EYS: variants seen among roughly 807,000 people sequenced by gnomAD.
EYS encodes the protein protein eyes shut homolog.
A neutral mutation model predicts 282.1 loss-of-function variants in EYS; 250 were observed. The observed-to-expected ratio is 0.89, with a 90% CI of 0.80 to 0.98. The LOEUF (loss-of-function observed/expected upper bound fraction) is 0.98. Among genes scored for constraint, EYS ranks in the 50% least tolerant of loss-of-function variants. EYS has a pLI of 0.00. For synonymous variants in EYS, 1,355 were observed against 1,282.9 expected, an observed-to-expected ratio of 1.06 and a Z score of -1.20; for missense variants, 4,016 against 3,709.0, an observed-to-expected ratio of 1.08 and a Z score of -2.15.
intron 35 of EYS, among the ~76,000 whole-genome samples, chr6:63,880,426 G>T (rs542699085): frequency 1.3e-5 from 2 of 151,362 alleles, no homozygotes; most frequent in Non-Finnish European, 3.0e-5. Flanking sequence ...GATCATGTAA[G>T]TTAAAACTTA....
chr6:64,450,301 G>T (rs1775279882), intron 26 of EYS, among the ~76,000 whole-genome samples: 2 of 152,098 alleles, frequency 1.3e-5, no homozygotes, highest in Non-Finnish European at 2.9e-5. Context: ...TCAACAAGAA[G>T]AACTAACTAT....
At chr6:63,730,259 A>T (rs1438120507) in intron 41 of EYS, among the ~76,000 whole-genome samples, 1 of 152,230 alleles carries the variant, frequency 6.6e-6, no homozygotes, top group Non-Finnish European at 1.5e-5. Context: ...ACTCTTGATT[A>T]GACCATTGCA....
intron 12 of EYS, among the ~76,000 whole-genome samples, chr6:65,239,741 AAAT>A (rs1767010691): frequency 6.6e-6 from 1 of 152,152 alleles, no homozygotes; most frequent in South Asian, 2.1e-4. Flanking sequence ...GTGAAAGGAC[AAAT>A]AATATTAAAT....
At chr6:63,834,428 T>C (rs573450690) in intron 36 of EYS, among the ~76,000 whole-genome samples, 2 of 152,080 alleles carry the variant, frequency 1.3e-5, no homozygotes, top group African/African-American at 2.4e-5. Flanking sequence ...AAGACATTCA[T>C]ACAGGCAACA....
At chr6:65,695,473 C>CAATGT (rs1350841748) in intron 1 of EYS, among the ~76,000 whole-genome samples, 1 of 151,872 alleles carries the variant, frequency 6.6e-6, no homozygotes, top group Non-Finnish European at 1.5e-5. Context: ...ACCTCAGATC[C>CAATGT]AATGTAATCT....
intron 22 of EYS, among the ~76,000 whole-genome samples, chr6:64,746,711 C>T (rs1285740244): frequency 1.3e-5 from 2 of 152,150 alleles, no homozygotes; most frequent in African/African-American, 4.8e-5. Context: ...TTAGCAATTT[C>T]CATACAGACT....
At chr6:65,316,147 T>C (rs1015243345) in intron 11 of EYS, among the ~76,000 whole-genome samples, 3 of 152,192 alleles carry the variant, frequency 2.0e-5, no homozygotes, top group African/African-American at 7.2e-5. Flanking sequence ...TGCAAGTCTT[T>C]TGTTAGTTAT....
chr6:65,390,213 T>G (rs1765965364), intron 7 of EYS, among the ~76,000 whole-genome samples: 2 of 150,266 alleles, frequency 1.3e-5, no homozygotes, highest in African/African-American at 2.5e-5. Flanking sequence ...ACAACCAAAG[T>G]GAGTGGATTT....
chr6:64,390,118 G>A (rs1323710891), intron 28 of EYS, among the ~76,000 whole-genome samples: 3 of 152,120 alleles, frequency 2.0e-5, no homozygotes, highest in Admixed American at 6.6e-5. Flanking sequence ...GGCTCCGAGG[G>A]TCCTACGCCC....
intron 33 of EYS, among the ~76,000 whole-genome samples, chr6:64,004,408 G>T (rs1472254705): frequency 2.7e-5 from 4 of 150,872 alleles, no homozygotes; most frequent in African/African-American, 9.7e-5. Context: ...TTGGAATTCA[G>T]TTTCCACTCT....
chr6:64,205,562 A>C (rs7752062), intron 31 of EYS, among the ~76,000 whole-genome samples: 1 of 151,852 alleles, frequency 6.6e-6, no homozygotes, highest in Non-Finnish European at 1.5e-5. Flanking sequence ...TAGATTTGCA[A>C]ATTAATTCTT....
chr6:64,818,147 T>C (rs768291408), intron 21 of EYS, among the ~76,000 whole-genome samples: 1 of 152,214 alleles, frequency 6.6e-6, no homozygotes, highest in African/African-American at 2.4e-5. Flanking sequence ...GAAAGATACA[T>C]GCCATCCTCC....
intron 35 of EYS, among the ~76,000 whole-genome samples, chr6:63,982,859 C>T (rs1767165616): frequency 6.6e-6 from 1 of 151,738 alleles, no homozygotes; most frequent in Admixed American, 6.6e-5. Context: ...AATAAAGCCT[C>T]ATGGAAAATA....
intron 2 of EYS, among the ~76,000 whole-genome samples, chr6:65,571,878 A>G (rs1764488500): frequency 6.6e-6 from 1 of 152,078 alleles, no homozygotes; most frequent in South Asian, 2.1e-4. Context: ...TTATGCCTAA[A>G]TTTATCAATA....
Position 64,322,986 on chromosome 6 carries a change from T to A in EYS, c.6079-15904A>T, listed in dbSNP as rs375457281. Among the ~76,000 whole-genome samples the A allele has an allele frequency of 2.0e-5, 3 of 152,228 alleles. No individual in the cohort carries two copies. In the South Asian group the frequency reaches 6.2e-4, roughly 32 times the overall value. On this transcript the variant is annotated intron_variant, in intron 29 of 42. Transcript: ENST00000503581. ...ATCCTCAGACATTCACACACATAATTTCAATGCAGCTATCTGTATACTAAT... is the reference window on the plus strand; with the variant it reads ...ATCCTCAGACATTCACACACATAATATCAATGCAGCTATCTGTATACTAAT...
chr6:64,220,204 G>A (rs1418134551), intron 31 of EYS, among the ~76,000 whole-genome samples: 1 of 152,046 alleles, frequency 6.6e-6, no homozygotes. Context: ...ATGTATAGCA[G>A]TTTGAGATAA....
chr6:63,804,604 C>G (rs1770857996), intron 37 of EYS, among the ~76,000 whole-genome samples: 1 of 152,134 alleles, frequency 6.6e-6, no homozygotes, highest in Non-Finnish European at 1.5e-5. Flanking sequence ...GGTTAAGGCA[C>G]TGGAAGAAGA....
intron 30 of EYS, among the ~76,000 whole-genome samples, chr6:64,259,530 G>A (rs186657673): frequency 6.6e-4 from 100 of 151,880 alleles, no homozygotes; most frequent in African/African-American, 2.0e-3. Context: ...CTGCCCCTCC[G>A]TCCCAGTCTC....
intron 33 of EYS, among the ~76,000 whole-genome samples, chr6:64,064,980 C>T (rs574777620): frequency 6.6e-5 from 10 of 152,180 alleles, no homozygotes; most frequent in South Asian, 2.1e-4. Context: ...AAAGGGTATA[C>T]GTAATTTACA....
Sources: gnomAD v4.1 joint callset for allele counts (sites outside exome capture counted in the v4.1 genomes callset) on GRCh38, gnomAD v4.1.1 for gene constraint, MANE v1.5 for transcripts, NCBI Gene and HGNC (gene_info 2026-07-23, HGNC 2026-07-21) for gene names.